The following HEMK2 variants were observed in gnomAD, a reference collection of about 807,000 sequenced individuals.
HEMK2 encodes methyltransferase HEMK2.
chr21:28,767,384 AT>A, the HEMK2 span, among the ~76,000 whole-genome samples: 2,289 of 152,070 alleles, frequency 0.015, 59 homozygotes, highest in African/African-American at 0.051. Flanking sequence ...TAAAAAAAAA[AT>A]TTAAGAGCTA....
the HEMK2 span, among the ~76,000 whole-genome samples, chr21:28,772,594 T>G: frequency 6.6e-6 from 1 of 152,226 alleles, no homozygotes; most frequent in Non-Finnish European, 1.5e-5. Flanking sequence ...ATTTAATGTA[T>G]TTTCAAATTA....
the HEMK2 span, among the ~76,000 whole-genome samples, chr21:28,670,604 T>C: frequency 6.6e-6 from 1 of 152,214 alleles, no homozygotes; most frequent in African/African-American, 2.4e-5. Flanking sequence ...CTGAGAAGTA[T>C]TGTCAGAGCT....
chr21:28,625,433 CAA>C, the HEMK2 span, among the ~76,000 whole-genome samples: 1 of 152,068 alleles, frequency 6.6e-6, no homozygotes, highest in Non-Finnish European at 1.5e-5. Flanking sequence ...AACTAAAGTT[CAA>C]AGAGATTATT....
chr21:28,831,455 A>AAAGAAAGAAAGAAAAGAAAAGAAAAG, the HEMK2 span, among the ~76,000 whole-genome samples: 58 of 57,020 alleles, frequency 1.0e-3, 3 homozygotes, highest in Non-Finnish European at 1.3e-3. Context: ...AAAAAGAAAG[A>AAAGAAAGAAAGAAAAGAAAAGAAAAG]AAAGAACGAA....
At chr21:28,841,232 ATATATT>A in the HEMK2 span, among the ~76,000 whole-genome samples, 3 of 5,192 alleles carry the variant, frequency 5.8e-4, 1 homozygote, top group Non-Finnish European at 8.2e-4. Flanking sequence ...TATATATTAT[ATATATT>A]TATATATATA....
chr21:28,652,857 C>A, the HEMK2 span, among the ~76,000 whole-genome samples: 1 of 151,930 alleles, frequency 6.6e-6, no homozygotes, highest in Non-Finnish European at 1.5e-5. Flanking sequence ...CCCTAGATAC[C>A]CTCATTGCTC....
the HEMK2 span, among the ~76,000 whole-genome samples, chr21:28,833,396 T>C: frequency 2.0e-5 from 3 of 152,200 alleles, no homozygotes; most frequent in Non-Finnish European, 2.9e-5. Context: ...TGTGCCCTAA[T>C]AATTTTACAG....
At chr21:28,653,468 C>A in the HEMK2 span, among the ~76,000 whole-genome samples, 1 of 152,072 alleles carries the variant, frequency 6.6e-6, no homozygotes, top group Non-Finnish European at 1.5e-5. Flanking sequence ...GCTATTCAAC[C>A]CAACTGGAAG....
At chr21:28,682,052 G>C in the HEMK2 span, among the ~76,000 whole-genome samples, 1 of 152,124 alleles carries the variant, frequency 6.6e-6, no homozygotes, top group Non-Finnish European at 1.5e-5. Flanking sequence ...TTGACAAATA[G>C]GATCTAATTA....
the HEMK2 span, among the ~76,000 whole-genome samples, chr21:28,859,744 C>T: frequency 6.6e-6 from 1 of 152,108 alleles, no homozygotes; most frequent in East Asian, 1.9e-4. Flanking sequence ...GCAGCAGCTG[C>T]CCTCACCACC....
At chr21:28,838,317 G>C in the HEMK2 span, among the ~76,000 whole-genome samples, 1 of 150,128 alleles carries the variant, frequency 6.7e-6, no homozygotes, top group Non-Finnish European at 1.5e-5. Context: ...GGTGGATCAC[G>C]AGGTCAGGAG....
the HEMK2 span, among the ~76,000 whole-genome samples, chr21:28,759,927 T>TAGAACAC: frequency 8.5e-5 from 13 of 152,186 alleles, no homozygotes; most frequent in Non-Finnish European, 1.9e-4. Flanking sequence ...TCAAAACAGT[T>TAGAACAC]TACTACACAC....
the HEMK2 span, chr21:28,885,125 G>C: frequency 6.9e-7 from 1 of 1,443,446 alleles, no homozygotes; most frequent in Non-Finnish European, 9.2e-7. Flanking sequence ...GCTCAGGGCG[G>C]TGATAGTCAC....
At chr21:28,715,592 T>C in the HEMK2 span, among the ~76,000 whole-genome samples, 2 of 152,314 alleles carry the variant, frequency 1.3e-5, no homozygotes, top group Middle Eastern at 3.4e-3. Context: ...CTGTAGGTTG[T>C]CTGTTTATTC....
At chr21:28,844,121 T>C in the HEMK2 span, among the ~76,000 whole-genome samples, 1 of 152,076 alleles carries the variant, frequency 6.6e-6, no homozygotes, top group Non-Finnish European at 1.5e-5. Flanking sequence ...GTAATACATA[T>C]ACACAAATTT....
the HEMK2 span, among the ~76,000 whole-genome samples, chr21:28,884,482 T>C: frequency 6.6e-6 from 1 of 152,236 alleles, no homozygotes. Flanking sequence ...ACAACCCAAA[T>C]TCCTTACATT....
the HEMK2 span, among the ~76,000 whole-genome samples, chr21:28,864,862 G>GGTAGAT: frequency 3.3e-3 from 372 of 112,326 alleles, 1 homozygote; most frequent in African/African-American, 7.6e-3. Context: ...TAGATAGATA[G>GGTAGAT]ATAGATGGAT....
chr21:28,729,538 G>T, the HEMK2 span, among the ~76,000 whole-genome samples: 1 of 151,636 alleles, frequency 6.6e-6, no homozygotes, highest in South Asian at 2.1e-4. Flanking sequence ...TACGGCAGGG[G>T]TGTCCAATCT....
the HEMK2 span, among the ~76,000 whole-genome samples, chr21:28,776,507 T>A: frequency 1.3e-5 from 2 of 152,190 alleles, no homozygotes; most frequent in African/African-American, 4.8e-5. Context: ...CATGGGTCTC[T>A]AGAGGAACAG....
Sources: allele counts gnomAD v4.1 joint callset (sites outside exome capture counted in the v4.1 genomes callset), GRCh38; gene constraint gnomAD v4.1.1; transcripts MANE v1.5; gene names NCBI Gene and HGNC (gene_info 2026-07-23, HGNC 2026-07-21).